Variants in UST observed in about 807,000 individuals in gnomAD.
UST encodes the protein uronyl 2-sulfotransferase, also known as chondroitin sulfate 2-O-sulfotransferase.
A neutral mutation model predicts 45.6 loss-of-function variants in UST; 21 were observed. The observed-to-expected ratio is 0.46, with a 90% CI of 0.33 to 0.66. UST has a LOEUF of 0.66. Among genes scored for constraint, UST ranks in the 30% least tolerant of loss-of-function variants. The pLI is 0.02. For missense variants in UST, 463 were observed against 512.4 expected (o/e 0.90, Z 0.93); for synonymous variants, 215 against 200.6 (o/e 1.07, Z -0.61).
chr6:148,973,579 A>G (rs982138859), intron 5 of UST, among the ~76,000 whole-genome samples: 1 of 152,254 alleles, frequency 6.6e-6, no homozygotes, highest in East Asian at 1.9e-4. Context: ...ATGAAGTTTT[A>G]TATAAAGTAA....
rs78066686 is a variant in UST, at chr6:148,834,776, A to G, written c.248-52210A>G. On this transcript the variant is annotated intron_variant, in intron 1 of 7. Coordinates refer to ENST00000367463, the MANE Select transcript of UST (RefSeq NM_005715.3). ...CAAAAAACAGTTACTGAGGGCATAC[A>G]ATGAGCTAGGCACTATGCTATGTGG... Among the ~76,000 whole-genome samples the G allele has an allele frequency of 5.9e-5, 9 of 152,314 alleles. 1 individual carries two copies. The East Asian group carries it at 1.7e-3, about 29-fold the overall frequency.
intron 5 of UST, among the ~76,000 whole-genome samples, chr6:148,970,297 C>T (rs1230343903): frequency 6.6e-6 from 1 of 152,134 alleles, no homozygotes; most frequent in Non-Finnish European, 1.5e-5. Flanking sequence ...ACCTGTGCTA[C>T]CACCAAACGG....
chr6:148,956,777 C>G (rs1477305612), intron 4 of UST, among the ~76,000 whole-genome samples: 1 of 152,196 alleles, frequency 6.6e-6, no homozygotes, highest in Non-Finnish European at 1.5e-5. Flanking sequence ...CTCTTCTATA[C>G]ACTACATGAG....
Position 148,999,906 on chromosome 6 carries a change from GA to G in UST, c.682-19232del, listed in dbSNP as rs61552517. 5.9e-5 allele frequency among the ~76,000 whole-genome samples: 9 copies of G among 152,296 alleles called. No individual in the cohort carries two copies. The East Asian group carries it at 1.7e-3, about 29-fold the overall frequency. Reference sequence around the variant, plus strand: ...CTCTTGACCCCAAATATATTGTAATGATTGATAGAATATAAAAAGAGGAAAT... The same window carrying G: ...CTCTTGACCCCAAATATATTGTAATGTTGATAGAATATAAAAAGAGGAAAT... On this transcript the variant is annotated intron_variant, in intron 5 of 7. Transcript: ENST00000367463.
At chr6:148,920,549 G>A (rs961518545) in intron 2 of UST, among the ~76,000 whole-genome samples, 1 of 152,060 alleles carries the variant, frequency 6.6e-6, no homozygotes, top group African/African-American at 2.4e-5. Context: ...TTGTTTTTGA[G>A]ACAAGATCTT....
chr6:148,809,811 A>G (rs1049962082), intron 1 of UST, among the ~76,000 whole-genome samples: 8 of 152,316 alleles, frequency 5.3e-5, no homozygotes, highest in Admixed American at 1.3e-4. Context: ...TCCAGTTCAC[A>G]TGTACTGCCT....
rs117906007 is a variant in UST at position 149,016,099 on chromosome 6, A to C, written c.682-3040A>C. The stretch of plus-strand genomic sequence containing the variant: ...TGGATCTTCCGGTCCAGTCATCTTT[A>C]TTTATATCCTCCTATAGCATCACCA... On this transcript the variant is annotated intron_variant, in intron 5 of 7. Coordinates refer to ENST00000367463, the MANE Select transcript of UST (RefSeq NM_005715.3). 7.8e-3 allele frequency among the ~76,000 whole-genome samples: 1,190 copies of C among 152,262 alleles called. 8 individuals are homozygous for C. Among genetic ancestry groups the C allele is most frequent in the Non-Finnish European group, 0.013 (860 of 68,006 alleles).
chr6:148,939,298 G>GATATTACTTA (rs553934708), intron 2 of UST, among the ~76,000 whole-genome samples: 140 of 152,252 alleles, frequency 9.2e-4, no homozygotes, highest in Middle Eastern at 3.4e-3. Flanking sequence ...ATTCAATGCA[G>GATATTACTTA]TCCTTATCAT....
At chr6:148,806,402 G>A (rs1010316016) in intron 1 of UST, among the ~76,000 whole-genome samples, 1 of 151,974 alleles carries the variant, frequency 6.6e-6, no homozygotes, top group African/African-American at 2.4e-5. Flanking sequence ...GCAGCGGTGC[G>A]ATCTCATCTC....
At chr6:148,829,604 C>G (rs73778916) in intron 1 of UST, among the ~76,000 whole-genome samples, 1,864 of 152,254 alleles carry the variant, frequency 0.012, 28 homozygotes, top group African/African-American at 0.043. Context: ...GACTCTGCAC[C>G]AGCCTCTCCC....
intron 1 of UST, among the ~76,000 whole-genome samples, chr6:148,805,721 T>C (rs139975517): frequency 1.3e-5 from 2 of 152,342 alleles, no homozygotes; most frequent in African/African-American, 4.8e-5. Flanking sequence ...CTTTTCATAG[T>C]CCTTCAGATC....
Position 149,076,918 on chromosome 6 carries a change from G to A in UST, c.*2802G>A, listed in dbSNP as rs960229473. The A allele has an allele frequency of 4.0e-5, 6 of 150,864 alleles. No individual in the cohort carries two copies. The highest frequency in any genetic ancestry group is 7.4e-5 in the Non-Finnish European group (5 of 67,730). 9.3% of individuals were successfully genotyped at this position (150,864 alleles called of 1,614,324 possible). ...AAGAAAGAAAAAAATGGTGTTTGACGTTGATGGAAATTCAAAAATATATAT... is the reference window on the plus strand; with the variant it reads ...AAGAAAGAAAAAAATGGTGTTTGACATTGATGGAAATTCAAAAATATATAT... On this transcript the variant is annotated 3_prime_UTR_variant, in exon 8 of 8. Transcript: ENST00000367463.
At chr6:148,781,099 C>T (rs1776634742) in intron 1 of UST, among the ~76,000 whole-genome samples, 1 of 152,084 alleles carries the variant, frequency 6.6e-6, no homozygotes, top group African/African-American at 2.4e-5. Flanking sequence ...CATTTCTCAC[C>T]TTAAATAGAA....
chr6:148,773,875 A>G (rs1311815959), intron 1 of UST, among the ~76,000 whole-genome samples: 1 of 152,156 alleles, frequency 6.6e-6, no homozygotes, highest in African/African-American at 2.4e-5. Context: ...CAAATTGCCA[A>G]ATGTCTGCTG....
chr6:148,849,675 G>A (rs1031776808), intron 1 of UST, among the ~76,000 whole-genome samples: 1 of 152,108 alleles, frequency 6.6e-6, no homozygotes, highest in Non-Finnish European at 1.5e-5. Flanking sequence ...CTGAGCAAAA[G>A]GGGAAGCACC....
intron 2 of UST, among the ~76,000 whole-genome samples, chr6:148,914,146 C>T (rs1779535451): frequency 6.6e-6 from 1 of 152,164 alleles, no homozygotes; most frequent in African/African-American, 2.4e-5. Flanking sequence ...GAAAATGTGT[C>T]ATAAGTGGTG....
chr6:148,876,757 T>G (rs187653298), intron 1 of UST, among the ~76,000 whole-genome samples: 2 of 152,050 alleles, frequency 1.3e-5, no homozygotes, highest in African/African-American at 4.8e-5. Flanking sequence ...TTATTCGTTT[T>G]GTTGTTTTTG....
At chr6:148,891,495 G>C (rs1020711571) in intron 2 of UST, among the ~76,000 whole-genome samples, 1 of 152,210 alleles carries the variant, frequency 6.6e-6, no homozygotes, top group Non-Finnish European at 1.5e-5. Flanking sequence ...TGATATAAGA[G>C]AGGAAGTAAT....
chr6:148,981,129 A>G (rs1582941348), intron 5 of UST, among the ~76,000 whole-genome samples: 1 of 152,182 alleles, frequency 6.6e-6, no homozygotes, highest in Admixed American at 6.5e-5. Context: ...TCCCTTTTCT[A>G]GAATTCCAGT....
Sources: allele counts gnomAD v4.1 joint callset (sites outside exome capture counted in the v4.1 genomes callset), GRCh38; gene constraint gnomAD v4.1.1; transcripts MANE v1.5; gene names NCBI Gene and HGNC (gene_info 2026-07-23, HGNC 2026-07-21).